RNFT2: variants seen among roughly 807,000 people sequenced by gnomAD.
RNFT2 encodes the protein ring finger protein, transmembrane 2.
In RNFT2, 36 loss-of-function variants were observed where a neutral mutation model predicts 53.0. That is an observed-to-expected ratio of 0.68 (90% CI 0.52 to 0.90). The LOEUF (loss-of-function observed/expected upper bound fraction) is 0.90. Ranked by LOEUF, RNFT2 falls within the 40% of genes least tolerant of loss-of-function variation. The pLI is 0.00. For missense variants in RNFT2, 514 were observed against 585.6 expected (o/e 0.88, Z 1.26); for synonymous variants, 260 against 253.2 (o/e 1.03, Z -0.26).
intron 7 of RNFT2, among the ~76,000 whole-genome samples, chr12:116,788,055 G>A (rs1379395758): frequency 6.6e-6 from 1 of 152,166 alleles, no homozygotes; most frequent in African/African-American, 2.4e-5. Flanking sequence ...AGCCTCCCGA[G>A]AAGCTGGGAT....
At chr12:116,759,055 C>T (rs573201365) in intron 5 of RNFT2, among the ~76,000 whole-genome samples, 74 of 152,192 alleles carry the variant, frequency 4.9e-4, no homozygotes, top group African/African-American at 1.7e-3. Flanking sequence ...TTCATATTTT[C>T]TTATTCCCTT....
chr12:116,814,321 C>T (rs1347926285), intron 7 of RNFT2, among the ~76,000 whole-genome samples: 1 of 152,046 alleles, frequency 6.6e-6, no homozygotes, highest in Non-Finnish European at 1.5e-5. Flanking sequence ...TAAAAAGATG[C>T]TGAAATCAGT....
intron 6 of RNFT2, among the ~76,000 whole-genome samples, chr12:116,769,124 C>G (rs994782288): frequency 1.3e-5 from 2 of 152,082 alleles, no homozygotes; most frequent in Non-Finnish European, 2.9e-5. Context: ...CTTTGGGAGG[C>G]CAAGGTGGGC....
chr12:116,801,925 G>A (rs1175714481), intron 7 of RNFT2, among the ~76,000 whole-genome samples: 1 of 151,978 alleles, frequency 6.6e-6, no homozygotes, highest in Non-Finnish European at 1.5e-5. Context: ...AGGTTCAAGC[G>A]ATTCTCCTGC....
At position 116,852,615 on chromosome 12, in the gene RNFT2, A is replaced by G. The variant is rs1225269160; in HGVS notation, c.*3167A>G. The G allele has an allele frequency of 6.2e-7, 1 of 1,613,806 alleles. No individual in the cohort carries two copies. The highest frequency in any genetic ancestry group is 1.3e-5 in the African/African-American group (1 of 74,938). ...AAGGGAAGCAACAGGAACTTCTGCAACTGGTTTTTATCGGAAAGATCATCC... is the reference window on the plus strand; with the variant it reads ...AAGGGAAGCAACAGGAACTTCTGCAGCTGGTTTTTATCGGAAAGATCATCC... On this transcript the variant is annotated 3_prime_UTR_variant, in exon 11 of 11. Coordinates refer to ENST00000257575, the MANE Select transcript of RNFT2 (RefSeq NM_001382266.1).
At chr12:116,743,854 ACC>A (rs1871765535) in intron 3 of RNFT2, among the ~76,000 whole-genome samples, 1 of 151,878 alleles carries the variant, frequency 6.6e-6, no homozygotes, top group Non-Finnish European at 1.5e-5. Context: ...GCCACTTCCC[ACC>A]TGTGGTGACT....
At chr12:116,843,867 T>A (rs1877477338) in intron 10 of RNFT2, among the ~76,000 whole-genome samples, 1 of 152,206 alleles carries the variant, frequency 6.6e-6, no homozygotes, top group Non-Finnish European at 1.5e-5. Flanking sequence ...TGCATTCCCA[T>A]TCATTTGTCC....
chr12:116,780,370 A>C (rs1030512092), intron 7 of RNFT2, among the ~76,000 whole-genome samples: 2 of 152,152 alleles, frequency 1.3e-5, no homozygotes, highest in Non-Finnish European at 2.9e-5. Flanking sequence ...CATAGGGAGC[A>C]TACAACCTAG....
At position 116,820,240 on chromosome 12, in the gene RNFT2, G is replaced by A. The variant is rs375480865; in HGVS notation, c.883-13552G>A. Among the ~76,000 whole-genome samples the A allele has an allele frequency of 6.2e-4, 95 of 152,220 alleles. 1 individual carries two copies. The South Asian group carries it at 0.012, about 20-fold the overall frequency. On this transcript the variant is annotated intron_variant, in intron 7 of 10. Transcript: ENST00000257575. ...CGAGTAGCTGGGTCTACAGGCGTGCGCCATCATGCCTGGCTAGTTTTTGTA... is the reference window on the plus strand; with the variant it reads ...CGAGTAGCTGGGTCTACAGGCGTGCACCATCATGCCTGGCTAGTTTTTGTA...
rs997142406 is a variant in RNFT2, at chr12:116,851,220, T to TA, written c.*1781dup. 6.8e-4 allele frequency: 102 copies of TA among 151,058 alleles called. No homozygotes were observed. In the South Asian group the frequency reaches 7.9e-3, roughly 12 times the overall value. The allele number at this position is 151,058 out of a possible 1,614,324, so 9.4% of individuals were successfully genotyped here. On this transcript the variant is annotated 3_prime_UTR_variant, in exon 11 of 11. Coordinates refer to ENST00000257575, the MANE Select transcript of RNFT2 (RefSeq NM_001382266.1). Reference sequence around the variant, plus strand: ...CTGGTACAGTTTCAGAACCCACATCTAAAAAAAAATAAATTTATTAGAGAT... The same window carrying TA: ...CTGGTACAGTTTCAGAACCCACATCTAAAAAAAAAATAAATTTATTAGAGAT...
At chr12:116,810,566 G>A (rs764144325) in intron 7 of RNFT2, among the ~76,000 whole-genome samples, 11 of 152,270 alleles carry the variant, frequency 7.2e-5, no homozygotes, top group African/African-American at 2.4e-4. Flanking sequence ...GGAGACTCAC[G>A]TTCTTGGCTC....
At chr12:116,815,086 G>T (rs541387596) in intron 7 of RNFT2, among the ~76,000 whole-genome samples, 3 of 152,076 alleles carry the variant, frequency 2.0e-5, no homozygotes, top group Admixed American at 6.6e-5. Flanking sequence ...TTTACACTGG[G>T]TATCATAAAT....
At chr12:116,761,819 G>A (rs1200306904) in intron 5 of RNFT2, among the ~76,000 whole-genome samples, 1 of 152,078 alleles carries the variant, frequency 6.6e-6, no homozygotes, top group African/African-American at 2.4e-5. Flanking sequence ...CCTCAATTAG[G>A]TTACCTTGGT....
At chr12:116,779,496 C>T in intron 7 of RNFT2, 148 bp downstream of exon 7, 1 of 819,172 alleles carries the variant, frequency 1.2e-6, no homozygotes, top group East Asian at 2.7e-5. Context: ...GCTCCTGTCA[C>T]CCACCTCTTC....
chr12:116,783,250 C>T (rs1327118772), intron 7 of RNFT2, among the ~76,000 whole-genome samples: 4 of 152,190 alleles, frequency 2.6e-5, no homozygotes, highest in Non-Finnish European at 5.9e-5. Context: ...AAGGGTTTCT[C>T]CCAGCTGTCT....
At chr12:116,763,342 A>G (rs1410569183) in intron 5 of RNFT2, among the ~76,000 whole-genome samples, 1 of 152,234 alleles carries the variant, frequency 6.6e-6, no homozygotes, top group Non-Finnish European at 1.5e-5. Context: ...TACTCCAGCA[A>G]GAATGGCCAT....
intron 3 of RNFT2, among the ~76,000 whole-genome samples, chr12:116,748,213 G>A (rs1442565546): frequency 6.6e-6 from 1 of 151,950 alleles, no homozygotes; most frequent in African/African-American, 2.4e-5. Context: ...AGAAAGAAAA[G>A]AGGATGAACC....
chr12:116,843,696 G>T (rs1023440332), intron 10 of RNFT2, among the ~76,000 whole-genome samples: 3 of 19,486 alleles, frequency 1.5e-4, no homozygotes, highest in Non-Finnish European at 1.7e-4. Context: ...GAACTCCTCA[G>T]CTGGGCCCTG....
At chr12:116,840,984 C>T (rs1877219731) in intron 10 of RNFT2, among the ~76,000 whole-genome samples, 2 of 151,754 alleles carry the variant, frequency 1.3e-5, no homozygotes, top group African/African-American at 2.4e-5. Context: ...TGTCATTTTT[C>T]GTAATTAAAT....
Sources: allele counts gnomAD v4.1 joint callset (sites outside exome capture counted in the v4.1 genomes callset), GRCh38; gene constraint gnomAD v4.1.1; transcripts MANE v1.5; gene names NCBI Gene and HGNC (gene_info 2026-07-23, HGNC 2026-07-21).